TTC27: variants seen among roughly 807,000 people sequenced by gnomAD.
TTC27 encodes the protein tetratricopeptide repeat protein 27.
TTC27 carries 79 observed loss-of-function variants against 115.9 expected under a neutral mutation model. The ratio of observed to expected loss-of-function variants is 0.68; its 90% CI spans 0.57 to 0.82. The LOEUF is 0.82. Among genes scored for constraint, TTC27 ranks in the 40% least tolerant of loss-of-function variants. The pLI is 0.00. For missense variants in TTC27, 1,054 were observed against 993.1 expected (o/e 1.06, Z -0.82); for synonymous variants, 401 against 356.0 (o/e 1.13, Z -1.42).
chr2:32,665,949 A>G (rs1559195471), intron 6 of TTC27, among the ~76,000 whole-genome samples: 2 of 152,210 alleles, frequency 1.3e-5, no homozygotes, highest in Non-Finnish European at 2.9e-5. Context: ...TTCAGTGGCT[A>G]TCTTCAGCAT....
intron 9 of TTC27, among the ~76,000 whole-genome samples, chr2:32,685,382 CT>C (rs527956884): frequency 6.6e-6 from 1 of 151,070 alleles, no homozygotes; most frequent in Admixed American, 6.6e-5. Flanking sequence ...GGACTGACCG[CT>C]TTTTTTTTGT....
intron 3 of TTC27, among the ~76,000 whole-genome samples, chr2:32,638,571 G>C (rs902878036): frequency 6.6e-6 from 1 of 151,836 alleles, no homozygotes; most frequent in African/African-American, 2.4e-5. Flanking sequence ...TAGAGATGGG[G>C]TTTCACCATG....
At chr2:32,709,285 A>G (rs1320300087) in intron 10 of TTC27, among the ~76,000 whole-genome samples, 1 of 152,170 alleles carries the variant, frequency 6.6e-6, no homozygotes, top group African/African-American at 2.4e-5. Flanking sequence ...ATGGAAAGGG[A>G]AAGATGTCAG....
intron 9 of TTC27, 58 bp downstream of exon 9, chr2:32,678,980 G>T: frequency 2.1e-6 from 3 of 1,458,626 alleles, no homozygotes; most frequent in South Asian, 2.3e-5. Context: ...TACTTCCTCT[G>T]GTATGGTCTT....
At chr2:32,674,056 A>G (rs1666106402) in intron 8 of TTC27, among the ~76,000 whole-genome samples, 1 of 152,220 alleles carries the variant, frequency 6.6e-6, no homozygotes, top group Non-Finnish European at 1.5e-5. Context: ...GAGATTTATT[A>G]ATATTCAAAA....
chr2:32,731,380 CT>C (rs2151914389), intron 10 of TTC27, among the ~76,000 whole-genome samples: 2 of 152,138 alleles, frequency 1.3e-5, no homozygotes, highest in East Asian at 1.9e-4. Context: ...TGCCTGGCCC[CT>C]TTTTTTCCTT....
At chr2:32,754,977 C>T (rs1669167011) in intron 12 of TTC27, among the ~76,000 whole-genome samples, 1 of 151,768 alleles carries the variant, frequency 6.6e-6, no homozygotes. Flanking sequence ...CCTCACTTCT[C>T]AGACGGGGCG....
intron 16 of TTC27, among the ~76,000 whole-genome samples, chr2:32,807,811 A>T (rs1671181522): frequency 6.6e-6 from 1 of 151,308 alleles, no homozygotes; most frequent in Admixed American, 6.6e-5. Flanking sequence ...TCCATTCCTG[A>T]TCCTTTGTAG....
intron 14 of TTC27, among the ~76,000 whole-genome samples, chr2:32,780,591 C>T (rs1670142936): frequency 6.6e-6 from 1 of 152,062 alleles, no homozygotes; most frequent in African/African-American, 2.4e-5. Context: ...AGGTGTGCAG[C>T]ACCACGCCTG....
At chr2:32,735,655 C>T (rs1204707404) in intron 11 of TTC27, among the ~76,000 whole-genome samples, 1 of 152,034 alleles carries the variant, frequency 6.6e-6, no homozygotes, top group African/African-American at 2.4e-5. Context: ...GAATTAGTCT[C>T]TACTTTGCTA....
intron 15 of TTC27, among the ~76,000 whole-genome samples, chr2:32,786,594 G>C (rs1056217965): frequency 1.3e-5 from 2 of 152,094 alleles, no homozygotes; most frequent in Non-Finnish European, 2.9e-5. Context: ...CCTTGCCTCT[G>C]GTCCCTCCAC....
At position 32,733,869 on chromosome 2, in the gene TTC27, G is replaced by A; in HGVS notation, c.1275G>A (p.Leu425=). Residue 425 remains leucine, a synonymous_variant, in exon 11 of 20, where the codon TTG becomes TTA. Coordinates refer to ENST00000317907, the MANE Select transcript of TTC27 (RefSeq NM_017735.5). ...DQFEDKTTSV[L]ERLKIFYCCQ... The stretch of plus-strand genomic sequence containing the variant: ...TTGAAGATAAAACTACATCTGTATT[G>A]GAACGCCTGAAGATTTTCTATTGCT... The A allele has an allele frequency of 6.2e-7, 1 of 1,612,252 alleles. No individual in the cohort carries two copies. Among genetic ancestry groups the A allele is most frequent in the Non-Finnish European group, 8.5e-7 (1 of 1,179,078 alleles).
intron 16 of TTC27, among the ~76,000 whole-genome samples, chr2:32,802,282 T>C (rs1670976328): frequency 6.6e-6 from 1 of 152,112 alleles, no homozygotes; most frequent in Non-Finnish European, 1.5e-5. Context: ...TGCATTTATT[T>C]AGTTTTTTAA....
chr2:32,723,555 T>C (rs1041907829), intron 10 of TTC27, among the ~76,000 whole-genome samples: 1 of 152,142 alleles, frequency 6.6e-6, no homozygotes, highest in Non-Finnish European at 1.5e-5. Flanking sequence ...GGATGAATGC[T>C]AGCAGGAACC....
In TTC27 at chr2:32,712,626, C is replaced by T. The variant is rs374711438; in HGVS notation, c.1233+9706C>T. On this transcript the variant is annotated intron_variant, in intron 10 of 19. Transcript: ENST00000317907. The stretch of plus-strand genomic sequence containing the variant: ...CCAGGCTGGAGTGCAATGGCATGAT[C>T]TCGGGACTGCGATCTCCACCTCCTG... Among the ~76,000 whole-genome samples, 257 of 151,898 alleles carry T rather than the reference C, an allele frequency of 1.7e-3. 2 individuals carry two copies. The highest frequency in any genetic ancestry group is 6.1e-3 in the African/African-American group (251 of 41,398).
At chr2:32,646,250 G>T (rs1301950613) in intron 4 of TTC27, among the ~76,000 whole-genome samples, 2 of 150,186 alleles carry the variant, frequency 1.3e-5, no homozygotes, top group African/African-American at 4.9e-5. Flanking sequence ...AGATGGTCTC[G>T]ATCTCCTGAC....
intron 5 of TTC27, among the ~76,000 whole-genome samples, chr2:32,663,312 C>T (rs1277139904): frequency 6.6e-6 from 1 of 152,128 alleles, no homozygotes; most frequent in African/African-American, 2.4e-5. Context: ...TGTAGGCACC[C>T]GAGGGAATCT....
intron 5 of TTC27, among the ~76,000 whole-genome samples, chr2:32,659,500 T>C (rs1253512532): frequency 6.6e-6 from 1 of 152,148 alleles, no homozygotes; most frequent in East Asian, 1.9e-4. Flanking sequence ...TGCAGATTCA[T>C]GGTACTTTGT....
intron 12 of TTC27, 100 bp downstream of exon 12, chr2:32,736,916 T>C (rs1263595313): frequency 1.4e-6 from 2 of 1,405,822 alleles, no homozygotes; most frequent in Non-Finnish European, 1.9e-6. Flanking sequence ...CAATATTCAC[T>C]TATATTCCTT....
Sources: allele counts gnomAD v4.1 joint callset (sites outside exome capture counted in the v4.1 genomes callset), GRCh38; gene constraint gnomAD v4.1.1; transcripts MANE v1.5; gene names NCBI Gene and HGNC (gene_info 2026-07-23, HGNC 2026-07-21).